DOCK3: variants seen among roughly 807,000 people sequenced by gnomAD.
The protein encoded by DOCK3 is dedicator of cytokinesis protein 3.
DOCK3 carries 60 observed loss-of-function variants against 265.6 expected under a neutral mutation model. That is an observed-to-expected ratio of 0.23 (90% CI 0.18 to 0.28). The LOEUF is 0.28. DOCK3 is among the 10% of genes least tolerant of loss of function. The probability of loss-of-function intolerance (pLI) is 1.00; values close to 1 mark genes in which losing one functional copy is unlikely to be tolerated. For synonymous variants in DOCK3, 881 were observed against 938.0 expected (o/e 0.94, Z 1.11); for missense variants, 1,981 against 2,594.3 (o/e 0.76, Z 5.14).
chr3:50,722,694 G>T lies in DOCK3; in HGVS notation c.37+47394G>T, dbSNP rs1439002602. Among the ~76,000 whole-genome samples, 4 of 151,702 alleles carry T rather than the reference G, an allele frequency of 2.6e-5. No individual in the cohort carries two copies. In the South Asian group the frequency reaches 6.2e-4, roughly 24 times the overall value. ...TTAGCAAATAGGGGACTTTAGTATT[G>T]TAATAAATATACTAAAGCCTGTAGG... is the stretch of plus-strand genomic sequence containing the variant. On this transcript the variant is annotated intron_variant, in intron 1 of 52. Transcript: ENST00000266037.
intron 5 of DOCK3, among the ~76,000 whole-genome samples, chr3:51,034,084 T>TGG (rs1424821450): frequency 6.6e-6 from 1 of 152,166 alleles, no homozygotes; most frequent in Non-Finnish European, 1.5e-5. Context: ...TAGCTTGTTA[T>TGG]GTTAGTGTGA....
intron 3 of DOCK3, among the ~76,000 whole-genome samples, chr3:50,854,591 A>ATTTTTT (rs1559726991): frequency 2.3e-4 from 1 of 4,318 alleles, no homozygotes; most frequent in African/African-American, 4.3e-4. Context: ...CCATCACACC[A>ATTTTTT]GTTTTTTTTT....
chr3:51,346,448 G>C (rs920329751), intron 38 of DOCK3, among the ~76,000 whole-genome samples: 1 of 152,126 alleles, frequency 6.6e-6, no homozygotes, highest in Non-Finnish European at 1.5e-5. Context: ...CTTCATCCAT[G>C]TCCCTACAAA....
intron 32 of DOCK3, among the ~76,000 whole-genome samples, chr3:51,326,723 GC>G (rs1209188952): frequency 1.3e-5 from 2 of 151,738 alleles, no homozygotes; most frequent in Non-Finnish European, 2.9e-5. Context: ...CCAGGTTCAA[GC>G]AATTCTCCTG....
intron 9 of DOCK3, among the ~76,000 whole-genome samples, chr3:51,121,896 G>T (rs1294494422): frequency 1.3e-5 from 2 of 152,094 alleles, no homozygotes; most frequent in Non-Finnish European, 2.9e-5. Flanking sequence ...ACTCCATATT[G>T]CTTCAGAGAT....
chr3:51,181,646 CATG>C (rs755721325), intron 12 of DOCK3, among the ~76,000 whole-genome samples: 2 of 151,976 alleles, frequency 1.3e-5, no homozygotes, highest in Non-Finnish European at 2.9e-5. Flanking sequence ...GGATTCAAAA[CATG>C]AGAAAGTTAT....
At chr3:50,801,286 T>G (rs905028470) in intron 2 of DOCK3, among the ~76,000 whole-genome samples, 4 of 152,104 alleles carry the variant, frequency 2.6e-5, no homozygotes, top group Non-Finnish European at 5.9e-5. Flanking sequence ...AAACTAATTC[T>G]GATTGGCTAA....
At chr3:51,349,642 G>GT (rs1218400834) in intron 39 of DOCK3, among the ~76,000 whole-genome samples, 1 of 152,166 alleles carries the variant, frequency 6.6e-6, no homozygotes, top group Admixed American at 6.5e-5. Context: ...GTTGCAGTGA[G>GT]TTTTTTTCTG....
intron 10 of DOCK3, among the ~76,000 whole-genome samples, chr3:51,153,224 G>A (rs539458490): frequency 1.1e-3 from 166 of 152,328 alleles, no homozygotes; most frequent in Non-Finnish European, 2.1e-3. Context: ...CCCCTTGCCC[G>A]CTACGCTGCT....
intron 22 of DOCK3, among the ~76,000 whole-genome samples, chr3:51,251,008 A>G (rs1260819573): frequency 1.3e-5 from 2 of 152,074 alleles, no homozygotes; most frequent in African/African-American, 4.8e-5. Context: ...TCCTAATGCT[A>G]TCCCTCCCCC....
intron 5 of DOCK3, among the ~76,000 whole-genome samples, chr3:51,049,792 T>TCC (rs1553745083): frequency 9.0e-6 from 1 of 110,988 alleles, no homozygotes; most frequent in Non-Finnish European, 2.0e-5. Flanking sequence ...CCCTAATGGG[T>TCC]CCACACACAC....
intron 22 of DOCK3, among the ~76,000 whole-genome samples, chr3:51,250,161 G>A (rs1472603550): frequency 4.6e-5 from 7 of 151,334 alleles, no homozygotes; most frequent in Non-Finnish European, 8.8e-5. Flanking sequence ...CCTCTGCCTA[G>A]GAAAACCAGA....
At chr3:50,684,155 A>G (rs2034619904) in intron 1 of DOCK3, among the ~76,000 whole-genome samples, 1 of 151,866 alleles carries the variant, frequency 6.6e-6, no homozygotes, top group Non-Finnish European at 1.5e-5. Flanking sequence ...GCCTTTCCCT[A>G]CTCTGCCTGA....
At chr3:50,878,117 C>T (rs1490419124) in intron 3 of DOCK3, among the ~76,000 whole-genome samples, 1 of 152,154 alleles carries the variant, frequency 6.6e-6, no homozygotes, top group Non-Finnish European at 1.5e-5. Flanking sequence ...AAAACCCCAT[C>T]TGTACGTCAC....
chr3:51,078,067 GACAGAGAGAGAGAAAGAA>G (rs56256447), intron 7 of DOCK3, among the ~76,000 whole-genome samples: 126,574 of 151,734 alleles, frequency 0.83, 53,261 homozygotes, highest in East Asian at 0.94. Flanking sequence ...AAAAGAGAGA[GACAGAGAGAGAGAAAGAA>G]ACAGAGAGAG....
chr3:51,183,626 C>T (rs1344066676), intron 12 of DOCK3, among the ~76,000 whole-genome samples: 1 of 151,892 alleles, frequency 6.6e-6, no homozygotes, highest in African/African-American at 2.4e-5. Context: ...ATTGGGAAAA[C>T]CAAACATAAA....
At chr3:51,333,313 A>G in intron 35 of DOCK3, 60 bp downstream of exon 35, 1 of 1,538,406 alleles carries the variant, frequency 6.5e-7, no homozygotes, top group Non-Finnish European at 8.9e-7. Flanking sequence ...CTGGCAAGGG[A>G]ATCCCCCTGA....
intron 2 of DOCK3, chr3:50,787,765 T>G (rs940004540): frequency 1.3e-5 from 15 of 1,150,966 alleles, no homozygotes; most frequent in Non-Finnish European, 1.9e-5. Flanking sequence ...CTTTTTCTTC[T>G]GCTTATCATT....
intron 2 of DOCK3, among the ~76,000 whole-genome samples, chr3:50,833,684 T>G (rs1464517976): frequency 6.6e-6 from 1 of 152,124 alleles, no homozygotes; most frequent in Non-Finnish European, 1.5e-5. Flanking sequence ...AGGTCAGTTT[T>G]CCCATGAGGC....
Sources: gnomAD v4.1 joint callset for allele counts (sites outside exome capture counted in the v4.1 genomes callset) on GRCh38, gnomAD v4.1.1 for gene constraint, MANE v1.5 for transcripts, NCBI Gene and HGNC (gene_info 2026-07-23, HGNC 2026-07-21) for gene names.